The following PAH variants were observed in gnomAD, a reference collection of about 807,000 sequenced individuals.
PAH encodes phenylalanine hydroxylase, also known as phenylalanine-4-hydroxylase.
PAH carries 64 observed loss-of-function variants against 62.0 expected under a neutral mutation model. That is an observed-to-expected ratio of 1.03 (90% CI 0.84 to 1.27). The LOEUF (loss-of-function observed/expected upper bound fraction) is 1.27. PAH is among the 50% of genes most tolerant of loss of function. PAH has a pLI of 0.00. For missense variants in PAH, 579 were observed against 542.8 expected (o/e 1.07, Z -0.66); for synonymous variants, 195 against 196.2 (o/e 0.99, Z 0.05).
upstream of PAH, among the ~76,000 whole-genome samples, chr12:102,919,153 T>TTCA (rs1878493837): frequency 2.0e-5 from 3 of 152,204 alleles, no homozygotes; most frequent in African/African-American, 7.2e-5. Flanking sequence ...ATTCAATCTA[T>TTCA]GTTTCACCCA....
chr12:102,917,353 C>T (rs74820934), upstream of PAH: 9,835 of 581,664 alleles, frequency 0.017, 220 homozygotes, highest in African/African-American at 0.067. Flanking sequence ...AGGTCACCTG[C>T]CCAGGACGGG....
chr12:102,893,732 CCA>C (rs2136700214), intron 3 of PAH, among the ~76,000 whole-genome samples: 1 of 152,284 alleles, frequency 6.6e-6, no homozygotes, highest in African/African-American at 2.4e-5. Flanking sequence ...AACTTCAAGC[CCA>C]CACTTATAAT....
chr12:102,950,082 T>C (rs987868629), intron 1 of PAH: 2 of 152,266 alleles, frequency 1.3e-5, no homozygotes, highest in African/African-American at 4.8e-5. Context: ...TTAACACATA[T>C]CCAGTGTTTA....
At chr12:102,936,921 C>T (rs1879120381) in intron 1 of PAH, among the ~76,000 whole-genome samples, 1 of 152,140 alleles carries the variant, frequency 6.6e-6, no homozygotes, top group Admixed American at 6.5e-5. Flanking sequence ...TCATAATCCC[C>T]ACATGTAGTG....
chr12:102,863,185 C>G (rs531129619), intron 5 of PAH, among the ~76,000 whole-genome samples: 1 of 152,240 alleles, frequency 6.6e-6, no homozygotes, highest in East Asian at 1.9e-4. Context: ...AAGTCTAATA[C>G]TATGTATAAA....
At chr12:102,914,119 C>T (rs949294949) in intron 1 of PAH, among the ~76,000 whole-genome samples, 2 of 152,110 alleles carry the variant, frequency 1.3e-5, no homozygotes, top group African/African-American at 4.8e-5. Context: ...TCAGAAAATT[C>T]AGATTTTTGC....
chr12:102,894,956 TG>T (rs1391656693), intron 2 of PAH, 38 bp from the exon 3 acceptor site: 1 of 1,514,406 alleles, frequency 6.6e-7, no homozygotes, highest in South Asian at 1.1e-5. Context: ...AGACAGTCAC[TG>T]GAACTAACGC....
Position 102,958,277 on chromosome 12 carries a change from C to A in PAH, c.-178G>T, listed in dbSNP as rs370760066. ...GCTCTGCCAAGATGGAGAGCGGCGGCGCCGGCCAGCAGCCCCAGCCGCAGC... is the reference window on the plus strand; with the variant it reads ...GCTCTGCCAAGATGGAGAGCGGCGGAGCCGGCCAGCAGCCCCAGCCGCAGC... On this transcript the variant is annotated 5_prime_UTR_variant, in exon 1 of 5. Transcript: ENST00000551337. 3.8e-4 allele frequency: 563 copies of A among 1,474,454 alleles called. 2 individuals carry two copies. The African/African-American group carries it at 7.4e-3, about 19-fold the overall frequency. The allele number at this position is 1,474,454 out of a possible 1,614,324, so 91.3% of individuals were successfully genotyped here.
At chr12:102,852,754 G>A (rs1875211810) in intron 7 of PAH, 61 bp downstream of exon 7, 2 of 1,608,766 alleles carry the variant, frequency 1.2e-6, no homozygotes, top group African/African-American at 2.7e-5. Flanking sequence ...CCTCATTCTT[G>A]CAGCAGGAAA....
intron 2 of PAH, among the ~76,000 whole-genome samples, chr12:102,909,099 A>G (rs1247236990): frequency 6.6e-6 from 1 of 152,080 alleles, no homozygotes; most frequent in Non-Finnish European, 1.5e-5. Flanking sequence ...AAGTGCTGGG[A>G]TTACAGACGT....
intron 2 of PAH, 57 bp downstream of exon 2, chr12:102,912,734 A>G: frequency 8.2e-7 from 1 of 1,219,106 alleles, no homozygotes; most frequent in South Asian, 1.2e-5. Flanking sequence ...CTAACTAGAA[A>G]AGAACATGGA....
intron 5 of PAH, among the ~76,000 whole-genome samples, chr12:102,858,522 C>T (rs1698442761): frequency 5.3e-5 from 8 of 152,156 alleles, no homozygotes; most frequent in Admixed American, 5.2e-4. Context: ...ACAGAATATA[C>T]ATTCTTCTCA....
chr12:102,923,421 T>C (rs1878605649), intron 1 of PAH, among the ~76,000 whole-genome samples: 1 of 152,194 alleles, frequency 6.6e-6, no homozygotes, highest in South Asian at 2.1e-4. Context: ...GGTACCCTTA[T>C]GCCTGAACAA....
intron 2 of PAH, among the ~76,000 whole-genome samples, chr12:102,905,637 G>C (rs533691678): frequency 3.3e-5 from 5 of 152,082 alleles, no homozygotes; most frequent in African/African-American, 9.6e-5. Flanking sequence ...CTGAGGTTTA[G>C]TTTCCTCCTC....
intron 4 of PAH, among the ~76,000 whole-genome samples, chr12:102,876,773 C>A (rs1313298239): frequency 1.3e-5 from 2 of 152,084 alleles, no homozygotes; most frequent in Non-Finnish European, 2.9e-5. Context: ...AAATATCCCC[C>A]ACCCCGGCCC....
At chr12:102,852,698 C>T (rs1268056982) in intron 7 of PAH, 117 bp downstream of exon 7, 1 of 1,262,592 alleles carries the variant, frequency 7.9e-7, no homozygotes, top group Non-Finnish European at 1.2e-6. Flanking sequence ...TACCAGCAAA[C>T]AGTCTAGACA....
intron 6 of PAH, among the ~76,000 whole-genome samples, chr12:102,854,012 G>GT (rs946027972): frequency 6.6e-6 from 1 of 152,150 alleles, no homozygotes; most frequent in African/African-American, 2.4e-5. Context: ...TAGTATTACT[G>GT]TTTTATTATT....
At chr12:102,951,074 A>AT (rs1879741556), upstream of PAH, among the ~76,000 whole-genome samples, 5 of 151,754 alleles carry the variant, frequency 3.3e-5, no homozygotes, top group Admixed American at 6.6e-5. Flanking sequence ...GGGAAGCAGG[A>AT]TTTTTTCTTC....
intron 4 of PAH, among the ~76,000 whole-genome samples, chr12:102,871,828 A>T (rs1284477217): frequency 1.3e-5 from 2 of 151,314 alleles, no homozygotes; most frequent in Non-Finnish European, 2.9e-5. Flanking sequence ...AGGCTGAGGC[A>T]GGAGAACTGC....
Sources: allele counts gnomAD v4.1 joint callset (sites outside exome capture counted in the v4.1 genomes callset), GRCh38; gene constraint gnomAD v4.1.1; transcripts MANE v1.5; gene names NCBI Gene and HGNC (gene_info 2026-07-23, HGNC 2026-07-21).